Variants in CSMD1 observed in about 807,000 individuals in gnomAD.
CSMD1 encodes CUB and Sushi multiple domains 1.
Under a neutral mutation model 417.5 loss-of-function variants are expected in CSMD1, and 213 were observed. The ratio of observed to expected loss-of-function variants is 0.51; its 90% CI spans 0.46 to 0.57. The LOEUF (loss-of-function observed/expected upper bound fraction) is 0.57, where lower values mean the gene tolerates loss of function less well. CSMD1 is among the 20% of genes least tolerant of loss of function. CSMD1 has a pLI of 0.00. For synonymous variants in CSMD1, 2,862 were observed against 1,736.8 expected (o/e 1.65, Z -16.11); for missense variants, 6,923 against 4,529.7 (o/e 1.53, Z -15.17).
intron 6 of CSMD1, among the ~76,000 whole-genome samples, chr8:3,711,482 A>G (rs1801506078): frequency 6.6e-6 from 1 of 152,200 alleles, no homozygotes; most frequent in Non-Finnish European, 1.5e-5. Flanking sequence ...GCGCTGGTTC[A>G]TGAACGTCCT....
chr8:4,436,768 G>A (rs959779692), intron 2 of CSMD1, among the ~76,000 whole-genome samples: 2 of 152,076 alleles, frequency 1.3e-5, no homozygotes, highest in African/African-American at 4.8e-5. Flanking sequence ...GTGATCATGT[G>A]ATATTTCTCT....
At chr8:4,652,805 TG>T (rs1186731942) in intron 1 of CSMD1, among the ~76,000 whole-genome samples, 1 of 152,104 alleles carries the variant, frequency 6.6e-6, no homozygotes, top group Non-Finnish European at 1.5e-5. Flanking sequence ...GGGATGGTTT[TG>T]GGGCATTAGA....
At chr8:4,321,533 T>C (rs1433105088) in intron 3 of CSMD1, among the ~76,000 whole-genome samples, 1 of 152,108 alleles carries the variant, frequency 6.6e-6, no homozygotes, top group Non-Finnish European at 1.5e-5. Flanking sequence ...ATTAAAGGGA[T>C]GAGTATCTGG....
intron 1 of CSMD1, among the ~76,000 whole-genome samples, chr8:4,976,302 G>C (rs1488589752): frequency 6.6e-6 from 1 of 152,160 alleles, no homozygotes; most frequent in Non-Finnish European, 1.5e-5. Flanking sequence ...GTATGGAGTA[G>C]CTACCTCAGA....
chr8:3,980,430 G>T (rs1813764361), intron 5 of CSMD1, among the ~76,000 whole-genome samples: 2 of 152,088 alleles, frequency 1.3e-5, no homozygotes, highest in Admixed American at 1.3e-4. Context: ...TATGGTCAGG[G>T]AAATCTTCAC....
chr8:4,619,205 T>C (rs1273224252), intron 2 of CSMD1, among the ~76,000 whole-genome samples: 1 of 152,108 alleles, frequency 6.6e-6, no homozygotes, highest in Non-Finnish European at 1.5e-5. Flanking sequence ...CTACATTTTT[T>C]CCCACCACCA....
intron 29 of CSMD1, among the ~76,000 whole-genome samples, chr8:3,214,957 T>C (rs751022021): frequency 6.6e-6 from 1 of 152,254 alleles, no homozygotes; most frequent in African/African-American, 2.4e-5. Flanking sequence ...ATTACCTTCA[T>C]CTACATAAAA....
chr8:4,593,426 A>G (rs184875391), intron 2 of CSMD1, among the ~76,000 whole-genome samples: 3 of 152,210 alleles, frequency 2.0e-5, no homozygotes, highest in African/African-American at 7.2e-5. Context: ...TTTCATTCCA[A>G]CTGAAATACC....
rs185585231 is a variant in CSMD1 at position 4,067,624 on chromosome 8, C to T, written c.416-35525G>A. The stretch of plus-strand genomic sequence containing the variant: ...CAATTCTTTTATTCATCCAAAATGA[C>T]CCTACATAAACTGATTTCATTCAAA... On this transcript the variant is annotated intron_variant, in intron 3 of 69. Transcript: ENST00000635120. 3.3e-5 allele frequency among the ~76,000 whole-genome samples: 5 copies of T among 152,174 alleles called. No homozygotes were observed. The East Asian group carries it at 9.7e-4, about 29-fold the overall frequency.
chr8:4,717,384 C>CAT (rs1174793005), intron 1 of CSMD1, among the ~76,000 whole-genome samples: 2 of 136,706 alleles, frequency 1.5e-5, no homozygotes, highest in Non-Finnish European at 3.0e-5. Context: ...TACACACACA[C>CAT]ATATACATAC....
chr8:3,905,170 C>A lies in CSMD1; in HGVS notation c.818+92733G>T, dbSNP rs535676029. On this transcript the variant is annotated intron_variant, in intron 5 of 69. Transcript: ENST00000635120. Reference sequence around the variant, plus strand: ...CATTTAAAGAATGATTAATAACAGGCAAACATAGAAAAAATATGTTCATAT... The same window carrying A: ...CATTTAAAGAATGATTAATAACAGGAAAACATAGAAAAAATATGTTCATAT... Among the ~76,000 whole-genome samples the A allele has an allele frequency of 2.6e-5, 4 of 151,906 alleles. No homozygotes were observed. In the South Asian group the frequency reaches 8.4e-4, roughly 32 times the overall value.
chr8:4,303,022 G>A (rs1249619111), intron 3 of CSMD1, among the ~76,000 whole-genome samples: 6 of 152,114 alleles, frequency 3.9e-5, no homozygotes, highest in Non-Finnish European at 7.4e-5. Flanking sequence ...ATCAGGAATG[G>A]CACTTTTGTG....
intron 5 of CSMD1, among the ~76,000 whole-genome samples, chr8:3,983,256 G>C (rs1025250105): frequency 6.6e-6 from 1 of 150,934 alleles, no homozygotes; most frequent in African/African-American, 2.4e-5. Flanking sequence ...TCAGCCTCCC[G>C]AGTAGCTGGG....
chr8:4,081,156 C>G (rs1469575288), intron 3 of CSMD1, among the ~76,000 whole-genome samples: 1 of 152,126 alleles, frequency 6.6e-6, no homozygotes, highest in African/African-American at 2.4e-5. Context: ...TTCCCAGCCT[C>G]CAGCATTGTG....
At chr8:3,583,237 T>C (rs1800456961) in intron 9 of CSMD1, among the ~76,000 whole-genome samples, 1 of 151,996 alleles carries the variant, frequency 6.6e-6, no homozygotes, top group Non-Finnish European at 1.5e-5. Flanking sequence ...TTTGCTTCTC[T>C]GCTTGAATTT....
intron 4 of CSMD1, among the ~76,000 whole-genome samples, chr8:4,007,040 G>C (rs1040261567): frequency 6.6e-6 from 1 of 151,712 alleles, no homozygotes; most frequent in African/African-American, 2.4e-5. Flanking sequence ...GGGTTTCACC[G>C]TGTTAGCCAG....
At chr8:4,914,585 A>G (rs1410426473) in intron 1 of CSMD1, among the ~76,000 whole-genome samples, 3 of 3,368 alleles carry the variant, frequency 8.9e-4, no homozygotes, top group African/African-American at 4.6e-3. Flanking sequence ...CCCAAAAAGA[A>G]AAAAAAAAAA....
chr8:2,941,558 G>T (rs907998305), intron 69 of CSMD1, among the ~76,000 whole-genome samples: 1 of 152,190 alleles, frequency 6.6e-6, no homozygotes, highest in Non-Finnish European at 1.5e-5. Flanking sequence ...AAATGTACAA[G>T]GAGTTTATAG....
chr8:3,154,003 G>A (rs894642368), intron 39 of CSMD1, among the ~76,000 whole-genome samples: 1 of 152,152 alleles, frequency 6.6e-6, no homozygotes, highest in African/African-American at 2.4e-5. Context: ...GTCTTGCCCT[G>A]TCACCCAGGC....
Sources: gnomAD v4.1 joint callset for allele counts (sites outside exome capture counted in the v4.1 genomes callset) on GRCh38, gnomAD v4.1.1 for gene constraint, MANE v1.5 for transcripts, NCBI Gene and HGNC (gene_info 2026-07-23, HGNC 2026-07-21) for gene names.